The following ABL1 variants were observed in gnomAD, a reference collection of about 807,000 sequenced individuals.
ABL1 encodes ABL proto-oncogene 1, non-receptor tyrosine kinase, also known as tyrosine-protein kinase ABL1.
Under a neutral mutation model 94.7 loss-of-function variants are expected in ABL1, and 11 were observed. The observed-to-expected ratio is 0.12, with a 90% CI of 0.07 to 0.19. The LOEUF (loss-of-function observed/expected upper bound fraction) is 0.19, where lower values mean the gene tolerates loss of function less well. Among genes scored for constraint, ABL1 ranks in the 10% least tolerant of loss-of-function variants. The pLI is 1.00. For synonymous variants in ABL1, 656 were observed against 622.4 expected (o/e 1.05, Z -0.80); for missense variants, 1,082 against 1,489.4 (o/e 0.73, Z 4.50).
At chr9:130,731,241 A>G (rs1203239344) in intron 1 of ABL1, among the ~76,000 whole-genome samples, 3 of 151,936 alleles carry the variant, frequency 2.0e-5, no homozygotes, top group Non-Finnish European at 1.5e-5. Flanking sequence ...TCCTAACCTC[A>G]GGTGATCCAC....
chr9:130,810,695 G>C (rs114750836), intron 1 of ABL1, among the ~76,000 whole-genome samples: 1 of 152,018 alleles, frequency 6.6e-6, no homozygotes, highest in African/African-American at 2.4e-5. Context: ...CCAAATGTGT[G>C]TGGAATTGGA....
rs552674352 is a variant in ABL1 at position 130,887,330 on chromosome 9, C to T, written c.*1647C>T. Reference sequence around the variant, plus strand: ...TTGCCCCCGACGGCTGTGACGCAGCCGGAGGGAGGCACTAGTCACCGACAG... The same window carrying T: ...TTGCCCCCGACGGCTGTGACGCAGCTGGAGGGAGGCACTAGTCACCGACAG... On this transcript the variant is annotated 3_prime_UTR_variant, in exon 11 of 11. Coordinates refer to ENST00000318560, the MANE Select transcript of ABL1 (RefSeq NM_005157.6). 3.9e-5 allele frequency: 9 copies of T among 233,226 alleles called. No individual in the cohort carries two copies. The highest frequency in any genetic ancestry group is 3.6e-4 in the South Asian group (2 of 5,526). 14.4% of individuals were successfully genotyped at this position (233,226 alleles called of 1,614,324 possible). A position where few individuals can be genotyped will look rare whatever the true frequency, so the allele number is the denominator to read the frequency against.
At chr9:130,868,918 A>G (rs1474486668) in intron 4 of ABL1, among the ~76,000 whole-genome samples, 1 of 152,186 alleles carries the variant, frequency 6.6e-6, no homozygotes, top group Non-Finnish European at 1.5e-5. Context: ...CTGTAATCCC[A>G]GCACTCTGGG....
intron 1 of ABL1, among the ~76,000 whole-genome samples, chr9:130,735,359 A>G (rs1564273293): frequency 1.3e-5 from 2 of 151,908 alleles, no homozygotes; most frequent in Non-Finnish European, 2.9e-5. Context: ...TAGATAATAC[A>G]TTTTCTAATT....
intron 4 of ABL1, among the ~76,000 whole-genome samples, chr9:130,864,722 A>AG (rs1310362744): frequency 1.3e-5 from 2 of 152,184 alleles, no homozygotes; most frequent in Non-Finnish European, 2.9e-5. Flanking sequence ...GGACACCACC[A>AG]GGGGGTGAAC....
chr9:130,745,740 T>A (rs891452558), intron 1 of ABL1, among the ~76,000 whole-genome samples: 1 of 152,116 alleles, frequency 6.6e-6, no homozygotes, highest in African/African-American at 2.4e-5. Flanking sequence ...GACATTTTTT[T>A]AATCTCATGA....
intron 1 of ABL1, among the ~76,000 whole-genome samples, chr9:130,755,165 A>G (rs1048821237): frequency 6.6e-6 from 1 of 152,234 alleles, no homozygotes; most frequent in Admixed American, 6.5e-5. Context: ...TATCAGAGCT[A>G]TGATTTAAGA....
intron 1 of ABL1, among the ~76,000 whole-genome samples, chr9:130,744,616 G>A (rs1397694981): frequency 1.3e-5 from 2 of 150,656 alleles, no homozygotes; most frequent in Non-Finnish European, 1.5e-5. Flanking sequence ...ATTTTGGGGG[G>A]CCGAGGCAGG....
intron 1 of ABL1, among the ~76,000 whole-genome samples, chr9:130,744,366 C>A (rs1475364736): frequency 6.6e-6 from 1 of 150,934 alleles, no homozygotes; most frequent in Non-Finnish European, 1.5e-5. Flanking sequence ...TGGTCTCGAT[C>A]TCTTGACCTC....
intron 1 of ABL1, among the ~76,000 whole-genome samples, chr9:130,819,986 A>G (rs1231915986): frequency 6.6e-6 from 1 of 151,618 alleles, no homozygotes; most frequent in Non-Finnish European, 1.5e-5. Flanking sequence ...TTCAGAGGAC[A>G]CTTGGCTTCT....
At chr9:130,878,625 T>G (rs1831393070) in intron 8 of ABL1, 58 bp downstream of exon 8, 6 of 1,579,816 alleles carry the variant, frequency 3.8e-6, no homozygotes, top group Non-Finnish European at 5.2e-6. Flanking sequence ...GAAATTCAAC[T>G]GTGCAGGAGT....
chr9:130,884,576 G>A lies in ABL1; in HGVS notation c.2286G>A (p.Leu762=). ...GGCACAAAAGTGAGAAGCCGGCTCT[G>A]CCTCGGAAGAGGGCAGGGGAGAACA... The part of the protein sequence containing the change: ...FGGHKSEKPA[L]PRKRAGENRS... The change falls in exon 11 of 11, where the codon CTG becomes CTA. Residue 762 remains leucine, a synonymous_variant. Coordinates refer to ENST00000318560, the MANE Select transcript of ABL1 (RefSeq NM_005157.6). The surrounding 1 kb of genome is among the most constrained non-coding windows in gnomAD (Gnocchi z 5.6). The A allele has an allele frequency of 6.2e-7, 1 of 1,613,356 alleles. No homozygotes were observed. The highest frequency in any genetic ancestry group is 8.5e-7 in the Non-Finnish European group (1 of 1,180,038).
intron 3 of ABL1, 93 bp downstream of exon 3, chr9:130,855,189 A>C: frequency 1.4e-6 from 2 of 1,388,378 alleles, no homozygotes; most frequent in Non-Finnish European, 9.8e-7. Flanking sequence ...AAGAAAGCTC[A>C]ACCAAGAAGA....
chr9:130,829,362 C>T (rs2132892223), intron 1 of ABL1, among the ~76,000 whole-genome samples: 1 of 152,140 alleles, frequency 6.6e-6, no homozygotes, highest in East Asian at 1.9e-4. Flanking sequence ...AGATTGAGAC[C>T]ATCCTGGTGT....
At chr9:130,715,191 A>G (rs929248046) in intron 1 of ABL1, among the ~76,000 whole-genome samples, 14 of 152,196 alleles carry the variant, frequency 9.2e-5, no homozygotes, top group African/African-American at 3.4e-4. Context: ...CGTACATTTT[A>G]TGTTGTTCAT....
chr9:130,800,096 A>G (rs547331104), intron 1 of ABL1, among the ~76,000 whole-genome samples: 4 of 151,524 alleles, frequency 2.6e-5, no homozygotes, highest in African/African-American at 9.7e-5. Flanking sequence ...CTGGTCTCGA[A>G]CTCCTGACCT....
chr9:130,816,869 A>G (rs978820680), intron 1 of ABL1, among the ~76,000 whole-genome samples: 2 of 152,246 alleles, frequency 1.3e-5, no homozygotes, highest in East Asian at 1.9e-4. Flanking sequence ...ACACCTGGCT[A>G]ATTTTTGTAG....
At chr9:130,772,411 T>C (rs531627536) in intron 1 of ABL1, among the ~76,000 whole-genome samples, 6 of 152,322 alleles carry the variant, frequency 3.9e-5, no homozygotes, top group Non-Finnish European at 8.8e-5. Context: ...TTTTCAGGAA[T>C]TGAATAGAGA....
chr9:130,812,941 G>A (rs1396574992), intron 1 of ABL1, among the ~76,000 whole-genome samples: 1 of 152,160 alleles, frequency 6.6e-6, no homozygotes, highest in Non-Finnish European at 1.5e-5. Flanking sequence ...AGACCCGGCG[G>A]GTTGGCTCAC....
Sources: allele counts gnomAD v4.1 joint callset (sites outside exome capture counted in the v4.1 genomes callset), GRCh38; gene constraint gnomAD v4.1.1; non-coding constraint Gnocchi (gnomAD v3.1); transcripts MANE v1.5; gene names NCBI Gene and HGNC (gene_info 2026-07-23, HGNC 2026-07-21).